The following AK8 variants were observed in gnomAD, a reference collection of about 807,000 sequenced individuals.
AK8 encodes ATP-AMP transphosphorylase 8.
Under a neutral mutation model 54.6 loss-of-function variants are expected in AK8, and 44 were observed. The ratio of observed to expected loss-of-function variants is 0.81; its 90% CI spans 0.63 to 1.04. The LOEUF is 1.04. AK8 is among the 50% of genes least tolerant of loss of function. The pLI is 0.00. For missense variants in AK8, 555 were observed against 613.6 expected (o/e 0.90, Z 1.01); for synonymous variants, 239 against 245.6 (o/e 0.97, Z 0.25).
rs979798457 is a variant in AK8, at chr9:132,804,304, C to A, written c.979+10334G>T. Among the ~76,000 whole-genome samples the A allele has an allele frequency of 3.3e-5, 5 of 152,166 alleles. 1 individual carries two copies. Among genetic ancestry groups the A allele is most frequent in the Non-Finnish European group, 1.5e-5 (1 of 67,984 alleles). Reference sequence around the variant, plus strand: ...AGCTGAGCTCCTACCATGAGCCCTGCGGGAGCTGACTCCTCAGCCCTTGAA... The same window carrying A: ...AGCTGAGCTCCTACCATGAGCCCTGAGGGAGCTGACTCCTCAGCCCTTGAA... On this transcript the variant is annotated intron_variant, in intron 10 of 12. Transcript: ENST00000298545.
rs564633361 is a variant in AK8, at chr9:132,805,923, C to T, written c.979+8715G>A. On this transcript the variant is annotated intron_variant, in intron 10 of 12. Transcript: ENST00000298545. Reference sequence around the variant, plus strand: ...GCATTGTCAGACCGAGGTGAGGGTTCCTTTAAAATGCATAAATTACAGGGG... The same window carrying T: ...GCATTGTCAGACCGAGGTGAGGGTTTCTTTAAAATGCATAAATTACAGGGG... 6.5e-4 allele frequency among the ~76,000 whole-genome samples: 99 copies of T among 151,918 alleles called. 1 individual carries two copies. The highest frequency in any genetic ancestry group is 1.2e-3 in the Non-Finnish European group (83 of 67,994).
chr9:132,766,481 A>G (rs1157302207), intron 11 of AK8, among the ~76,000 whole-genome samples: 1 of 152,230 alleles, frequency 6.6e-6, no homozygotes, highest in Non-Finnish European at 1.5e-5. Flanking sequence ...CACTGGTGAA[A>G]GAAATTAAAG....
chr9:132,825,937 G>A (rs909068908), intron 8 of AK8, among the ~76,000 whole-genome samples: 2 of 152,224 alleles, frequency 1.3e-5, no homozygotes, highest in African/African-American at 4.8e-5. Flanking sequence ...TTGAGATACT[G>A]CATTTTGAGA....
At chr9:132,793,939 C>T (rs558550680) in intron 10 of AK8, among the ~76,000 whole-genome samples, 1 of 152,272 alleles carries the variant, frequency 6.6e-6, no homozygotes, top group East Asian at 1.9e-4. Context: ...GTCTGGCAAG[C>T]GGGCCTGAAG....
chr9:132,857,087 T>C (rs1843200084), intron 4 of AK8, among the ~76,000 whole-genome samples: 1 of 152,132 alleles, frequency 6.6e-6, no homozygotes, highest in Non-Finnish European at 1.5e-5. Context: ...CAGCATCCAG[T>C]CCCTGGCTCC....
Position 132,863,673 on chromosome 9 carries a change from G to A in AK8, c.325C>T (p.Gln109Ter). The A allele has an allele frequency of 6.2e-7, 1 of 1,612,588 alleles. No individual in the cohort carries two copies. The highest frequency in any genetic ancestry group is 8.5e-7 in the Non-Finnish European group (1 of 1,179,084). ...TATEARRLYL[Q>*]RKTVPSALLV... ...CCCGGGGCCAGTCCTACCTTCCTTT[G>A]CAGATAAAGCCTTCTGGCTTCGGTG... The change falls in exon 4 of 13, where the codon CAA (glutamine) becomes TAA (stop). Residue 109 changes from glutamine to a stop codon, truncating the protein, a stop_gained. Transcript: ENST00000298545. LOFTEE classifies it high-confidence loss of function.
chr9:132,853,024 A>G (rs1016245259), intron 5 of AK8, among the ~76,000 whole-genome samples: 4 of 152,026 alleles, frequency 2.6e-5, no homozygotes, highest in Non-Finnish European at 4.4e-5. Flanking sequence ...AATAAGCCCA[A>G]AGAAATTCAT....
chr9:132,739,923 G>T (rs574435186), intron 11 of AK8, among the ~76,000 whole-genome samples: 2 of 152,364 alleles, frequency 1.3e-5, no homozygotes, highest in African/African-American at 4.8e-5. Context: ...CTTACCTTGT[G>T]GGGCAAAGTA....
rs1352290214 is a variant in AK8 at position 132,781,163 on chromosome 9, C to G, written c.1121+11471G>C. Among the ~76,000 whole-genome samples the G allele has an allele frequency of 3.3e-5, 4 of 120,800 alleles. No homozygotes were observed. The highest frequency in any genetic ancestry group is 1.9e-4 in the East Asian group (1 of 5,150). The allele number at this position is 120,800 out of a possible 152,430, so 79.2% of individuals were successfully genotyped here. ...CATGAACATAGTTCTTTCTTTGTTT[C>G]TTTCTTTCTTTCTTTTTTTTTACTA... On this transcript the variant is annotated intron_variant, in intron 11 of 12. Coordinates refer to ENST00000298545, the MANE Select transcript of AK8 (RefSeq NM_152572.3). This position sits in a 1 kb window ranked among gnomAD's most constrained non-coding sequence, Gnocchi z 4.6.
chr9:132,745,364 C>T (rs575735438), intron 11 of AK8, among the ~76,000 whole-genome samples: 3 of 152,258 alleles, frequency 2.0e-5, no homozygotes, highest in South Asian at 2.1e-4. Flanking sequence ...CTCGACTTTA[C>T]GGGGCTGTCA....
At chr9:132,742,561 A>G (rs1837445593) in intron 11 of AK8, among the ~76,000 whole-genome samples, 1 of 152,178 alleles carries the variant, frequency 6.6e-6, no homozygotes, top group African/African-American at 2.4e-5. Flanking sequence ...GGGTACCAGC[A>G]CCTGGCATTT....
intron 11 of AK8, among the ~76,000 whole-genome samples, chr9:132,782,207 G>A (rs1157565457): frequency 6.6e-6 from 1 of 152,042 alleles, no homozygotes; most frequent in Admixed American, 6.5e-5. Flanking sequence ...TCCTCCCTGT[G>A]TTGGTCCTGT....
chr9:132,851,695 C>T (rs1303310350), intron 5 of AK8, among the ~76,000 whole-genome samples: 3 of 152,190 alleles, frequency 2.0e-5, no homozygotes, highest in African/African-American at 4.8e-5. Flanking sequence ...CACTGCACGG[C>T]ACTGCAAAGT....
rs995191174 is a variant in AK8, at chr9:132,799,167, C to T, written c.980-6392G>A. 1.3e-5 allele frequency among the ~76,000 whole-genome samples: 2 copies of T among 152,174 alleles called. No individual in the cohort carries two copies. Among genetic ancestry groups the T allele is most frequent in the African/African-American group, 2.4e-5 (1 of 41,436 alleles). On this transcript the variant is annotated intron_variant, in intron 10 of 12. Transcript: ENST00000298545. The surrounding 1 kb of genome is among the most constrained non-coding windows in gnomAD (Gnocchi z 5.0). Reference sequence around the variant, plus strand: ...ACCAGAGGCCCCTCCTGCTGCGCCACGCCGCCGCCTGCTGTCCGCACCGCA... The same window carrying T: ...ACCAGAGGCCCCTCCTGCTGCGCCATGCCGCCGCCTGCTGTCCGCACCGCA...
intron 11 of AK8, among the ~76,000 whole-genome samples, chr9:132,786,683 CAG>C (rs1402899857): frequency 6.6e-6 from 1 of 152,192 alleles, no homozygotes; most frequent in Non-Finnish European, 1.5e-5. Flanking sequence ...TCCATGCACT[CAG>C]AGCTTCCAAA....
chr9:132,858,848 C>T (rs868798642), intron 4 of AK8, among the ~76,000 whole-genome samples: 3 of 152,124 alleles, frequency 2.0e-5, no homozygotes, highest in South Asian at 2.1e-4. Flanking sequence ...GACCTCATAG[C>T]GTGGCACCCA....
intron 5 of AK8, among the ~76,000 whole-genome samples, chr9:132,836,958 G>A (rs1168468340): frequency 3.9e-5 from 6 of 152,326 alleles, no homozygotes; most frequent in Non-Finnish European, 1.5e-5. Context: ...CTTAATAAAT[G>A]TCTCCTGGCA....
intron 5 of AK8, 72 bp downstream of exon 5, chr9:132,854,785 T>G: frequency 6.6e-7 from 1 of 1,510,674 alleles, no homozygotes; most frequent in Non-Finnish European, 9.2e-7. Context: ...TCTCTGGTCT[T>G]GGAGATGAAC....
chr9:132,749,236 C>T (rs1291480468), intron 11 of AK8, among the ~76,000 whole-genome samples: 1 of 151,988 alleles, frequency 6.6e-6, no homozygotes, highest in African/African-American at 2.4e-5. Flanking sequence ...GCAATCTTCT[C>T]TTTGTAGGAG....
Sources: allele counts gnomAD v4.1 joint callset (sites outside exome capture counted in the v4.1 genomes callset), GRCh38; gene constraint gnomAD v4.1.1; non-coding constraint Gnocchi (gnomAD v3.1); transcripts MANE v1.5; gene names NCBI Gene and HGNC (gene_info 2026-07-23, HGNC 2026-07-21).